Variants in FHIT observed in about 807,000 individuals in gnomAD.
FHIT encodes bis(5'-adenosyl)-triphosphatase.
A neutral mutation model predicts 17.9 loss-of-function variants in FHIT; 19 were observed. That is an observed-to-expected ratio of 1.06 (90% CI 0.74 to 1.56). The LOEUF (loss-of-function observed/expected upper bound fraction) is 1.56. Ranked by LOEUF, FHIT falls within the 40% of genes most tolerant of loss-of-function variation. The pLI is 0.00. For missense variants in FHIT, 248 were observed against 189.2 expected, an observed-to-expected ratio of 1.31 and a Z score of -1.82; for synonymous variants, 81 against 69.7, an observed-to-expected ratio of 1.16 and a Z score of -0.81.
At position 60,555,815 on chromosome 3, in the gene FHIT, T is replaced by C. The variant is rs141105884; in HGVS notation, c.-17-18836A>G. 9.1e-4 allele frequency among the ~76,000 whole-genome samples: 138 copies of C among 152,312 alleles called. 6 individuals carry two copies. The East Asian group carries it at 0.016, about 18-fold the overall frequency. ...AGCAGACTGAGACCGGCACCTGAAT[T>C]CCATCACGTGGTTCCATTGTTCAGG... On this transcript the variant is annotated intron_variant, in intron 4 of 9. Transcript: ENST00000492590.
intron 2 of FHIT, among the ~76,000 whole-genome samples, chr3:61,060,131 TTACC>T (rs2034374389): frequency 6.6e-6 from 1 of 152,166 alleles, no homozygotes; most frequent in African/African-American, 2.4e-5. Flanking sequence ...AATAATTATC[TTACC>T]TGTTTTTATT....
At chr3:60,771,603 T>A (rs1052282906) in intron 4 of FHIT, among the ~76,000 whole-genome samples, 4 of 152,182 alleles carry the variant, frequency 2.6e-5, no homozygotes, top group Non-Finnish European at 5.9e-5. Context: ...GACCACTGAA[T>A]ACAGTCATTT....
In FHIT at chr3:59,751,974, G is replaced by T; in HGVS notation, c.*5+247C>A. ...ACCACCGCAGGAAAGACTGGAGAAA[G>T]GTGGTGGTGGGCTGGGGGCACTGGC... On this transcript the variant is annotated intron_variant, in intron 9 of 9. Coordinates refer to ENST00000492590, the MANE Select transcript of FHIT (RefSeq NM_002012.4). 1.2e-5 allele frequency: 5 copies of T among 417,492 alleles called. No homozygotes were observed. The South Asian group carries it at 2.9e-4, about 24-fold the overall frequency. The allele number at this position is 417,492 out of a possible 1,614,324, so 25.9% of individuals were successfully genotyped here.
At chr3:60,143,388 A>C (rs1700117891) in intron 5 of FHIT, among the ~76,000 whole-genome samples, 1 of 152,066 alleles carries the variant, frequency 6.6e-6, no homozygotes, top group Admixed American at 6.6e-5. Context: ...AAAAGGTCTT[A>C]AGCATTTCTG....
chr3:60,817,935 TTCAG>T (rs1189231881), intron 4 of FHIT, among the ~76,000 whole-genome samples: 1 of 152,018 alleles, frequency 6.6e-6, no homozygotes, highest in African/African-American at 2.4e-5. Context: ...ATTTTTTTTA[TTCAG>T]TCATTTTAAG....
chr3:60,637,380 G>A (rs923110956), intron 4 of FHIT, among the ~76,000 whole-genome samples: 5 of 152,006 alleles, frequency 3.3e-5, no homozygotes, highest in African/African-American at 7.2e-5. Context: ...TGCCTGTCTC[G>A]TTTACCATTC....
intron 4 of FHIT, among the ~76,000 whole-genome samples, chr3:60,591,163 C>T (rs1377439952): frequency 6.6e-6 from 1 of 152,078 alleles, no homozygotes; most frequent in Non-Finnish European, 1.5e-5. Flanking sequence ...TAGCACCCCA[C>T]AAACTAAAAC....
At chr3:60,238,021 C>T (rs1162331175) in intron 5 of FHIT, among the ~76,000 whole-genome samples, 1 of 151,616 alleles carries the variant, frequency 6.6e-6, no homozygotes, top group Non-Finnish European at 1.5e-5. Context: ...TGGTACATGC[C>T]TGTAACCTCA....
intron 8 of FHIT, among the ~76,000 whole-genome samples, chr3:59,806,108 G>A (rs565082359): frequency 1.3e-5 from 2 of 151,048 alleles, no homozygotes; most frequent in African/African-American, 4.9e-5. Flanking sequence ...GTGAACCCAG[G>A]AGGCGGAGCT....
chr3:60,569,736 T>G (rs192514362), intron 4 of FHIT, among the ~76,000 whole-genome samples: 2,509 of 46,256 alleles, frequency 0.054, 130 homozygotes, highest in African/African-American at 0.18. Context: ...TATATATATA[T>G]ATATATATAT....
At chr3:60,226,854 C>A (rs139458029) in intron 5 of FHIT, among the ~76,000 whole-genome samples, 2 of 152,280 alleles carry the variant, frequency 1.3e-5, no homozygotes, top group Middle Eastern at 3.4e-3. Context: ...TGTCACGCCA[C>A]TTCTCTATGT....
chr3:60,002,495 C>A (rs1699768173), intron 7 of FHIT, among the ~76,000 whole-genome samples: 1 of 152,112 alleles, frequency 6.6e-6, no homozygotes, highest in South Asian at 2.1e-4. Flanking sequence ...TCAAAATGAC[C>A]CTTTCCCAGC....
chr3:60,609,667 T>C (rs1396616532), intron 4 of FHIT, among the ~76,000 whole-genome samples: 1 of 152,122 alleles, frequency 6.6e-6, no homozygotes, highest in African/African-American at 2.4e-5. Flanking sequence ...TTCATTGTTT[T>C]ATTCACTAGG....
At chr3:60,055,461 T>TTC (rs1702043901) in intron 5 of FHIT, among the ~76,000 whole-genome samples, 1 of 151,918 alleles carries the variant, frequency 6.6e-6, no homozygotes, top group Non-Finnish European at 1.5e-5. Flanking sequence ...TTTTTTTTTT[T>TTC]TTCCAATTCT....
intron 5 of FHIT, among the ~76,000 whole-genome samples, chr3:60,277,313 C>T (rs1052163904): frequency 1.3e-5 from 2 of 151,996 alleles, no homozygotes; most frequent in African/African-American, 4.8e-5. Context: ...TAAGGTTTTC[C>T]TTTGAATGAA....
chr3:60,993,599 A>G (rs1559894471), intron 3 of FHIT, among the ~76,000 whole-genome samples: 1 of 152,228 alleles, frequency 6.6e-6, no homozygotes, highest in East Asian at 1.9e-4. Flanking sequence ...ACATATTCCT[A>G]TGAAATCATA....
intron 5 of FHIT, among the ~76,000 whole-genome samples, chr3:60,413,450 T>A (rs187544506): frequency 6.6e-6 from 1 of 152,256 alleles, no homozygotes; most frequent in Non-Finnish European, 1.5e-5. Context: ...ACTTGGCCAA[T>A]AGAGTTAAAG....
chr3:60,010,113 A>C (rs945583784), intron 7 of FHIT, among the ~76,000 whole-genome samples: 1 of 152,200 alleles, frequency 6.6e-6, no homozygotes, highest in Non-Finnish European at 1.5e-5. Flanking sequence ...TGGAATTTAC[A>C]TTTGAATACT....
intron 1 of FHIT, among the ~76,000 whole-genome samples, chr3:61,230,075 A>G (rs2040060877): frequency 6.6e-6 from 1 of 152,238 alleles, no homozygotes; most frequent in Non-Finnish European, 1.5e-5. Flanking sequence ...CTTTAGCTAT[A>G]AAATAAGCAT....
Sources: gnomAD v4.1 joint callset for allele counts (sites outside exome capture counted in the v4.1 genomes callset) on GRCh38, gnomAD v4.1.1 for gene constraint, MANE v1.5 for transcripts, NCBI Gene and HGNC (gene_info 2026-07-23, HGNC 2026-07-21) for gene names.